AFF3: variants seen among roughly 807,000 people sequenced by gnomAD.
AFF3 encodes the protein AF4/FMR2 family member 3.
In AFF3, 32 loss-of-function variants were observed where a neutral mutation model predicts 129.7. The observed-to-expected ratio is 0.25, with a 90% CI of 0.19 to 0.33. AFF3 has a LOEUF of 0.33. Ranked by LOEUF, AFF3 falls within the 10% of genes least tolerant of loss-of-function variation. The pLI is 1.00. For missense variants in AFF3, 1,373 were observed against 1,592.0 expected, an observed-to-expected ratio of 0.86 and a Z score of 2.34; for synonymous variants, 644 against 635.4, an observed-to-expected ratio of 1.01 and a Z score of -0.20.
At position 99,593,294 on chromosome 2, in the gene AFF3, C is replaced by T; in HGVS notation, c.2367G>A (p.Leu789=). 8.7e-6 allele frequency: 14 copies of T among 1,614,036 alleles called. No individual in the cohort carries two copies. Among genetic ancestry groups the T allele is most frequent in the South Asian group, 1.1e-5 (1 of 91,078 alleles). The change falls in exon 15 of 25, where the codon TTG becomes TTA. Residue 789 remains leucine, a synonymous_variant. Transcript: ENST00000672756. ...PEHLPQEPGV[L]SAPATKDSES... is the part of the protein sequence containing the mutation. ...CAGAGTCCTTGGTGGCAGGGGCGCT[C>T]AATACCCCTGGCTCCTGGGGCAGGT...
intron 7 of AFF3, among the ~76,000 whole-genome samples, chr2:100,000,791 G>A (rs887541172): frequency 7.9e-5 from 12 of 152,140 alleles, no homozygotes; most frequent in East Asian, 3.9e-4. Flanking sequence ...CTTGCTCCCC[G>A]TCACACGGCT....
chr2:100,029,054 C>T (rs535014245), intron 4 of AFF3, among the ~76,000 whole-genome samples: 1 of 152,116 alleles, frequency 6.6e-6, no homozygotes, highest in Non-Finnish European at 1.5e-5. Flanking sequence ...TTAAAGTGTG[C>T]ACACTCATAG....
intron 7 of AFF3, among the ~76,000 whole-genome samples, chr2:99,869,950 A>T (rs1691744909): frequency 1.3e-5 from 2 of 152,218 alleles, no homozygotes; most frequent in Non-Finnish European, 2.9e-5. Flanking sequence ...TGAACCAGAC[A>T]CAAAGGACCT....
At chr2:99,822,214 C>T (rs1369062376) in intron 8 of AFF3, among the ~76,000 whole-genome samples, 3 of 151,978 alleles carry the variant, frequency 2.0e-5, no homozygotes, top group African/African-American at 4.8e-5. Flanking sequence ...GCAGTCATCA[C>T]GCAATACTGA....
intron 8 of AFF3, among the ~76,000 whole-genome samples, chr2:99,777,789 T>C (rs1271154790): frequency 6.6e-6 from 1 of 151,800 alleles, no homozygotes; most frequent in Non-Finnish European, 1.5e-5. Context: ...CATGTCTTCA[T>C]GCACACAGAC....
intron 4 of AFF3, among the ~76,000 whole-genome samples, chr2:100,073,117 C>T (rs1013919569): frequency 1.3e-5 from 2 of 152,150 alleles, no homozygotes; most frequent in African/African-American, 2.4e-5. Flanking sequence ...TGAATTGTGT[C>T]CCTGCAGACC....
intron 14 of AFF3, among the ~76,000 whole-genome samples, chr2:99,600,485 C>G (rs1032209731): frequency 6.6e-6 from 1 of 152,072 alleles, no homozygotes; most frequent in African/African-American, 2.4e-5. Flanking sequence ...GCTGATCGGG[C>G]CCATTAAGGT....
intron 7 of AFF3, among the ~76,000 whole-genome samples, chr2:99,979,641 G>A (rs1361736679): frequency 2.6e-5 from 4 of 151,924 alleles, no homozygotes; most frequent in Middle Eastern, 3.2e-3. Flanking sequence ...ACCACGACCA[G>A]CTAATTTTTA....
At chr2:99,928,712 C>T (rs1471604826) in intron 7 of AFF3, among the ~76,000 whole-genome samples, 1 of 152,218 alleles carries the variant, frequency 6.6e-6, no homozygotes, top group Non-Finnish European at 1.5e-5. Flanking sequence ...AAACAAGATG[C>T]AGCCTCCGGA....
intron 13 of AFF3, among the ~76,000 whole-genome samples, chr2:99,610,405 T>C (rs1680806051): frequency 6.6e-6 from 1 of 152,270 alleles, no homozygotes; most frequent in South Asian, 2.1e-4. Flanking sequence ...TTAAACTAAA[T>C]TATTGAGATA....
At chr2:100,044,441 A>G (rs1003668366) in intron 4 of AFF3, among the ~76,000 whole-genome samples, 1 of 152,112 alleles carries the variant, frequency 6.6e-6, no homozygotes, top group African/African-American at 2.4e-5. Context: ...CCTTCCATCT[A>G]TCTACCCAAG....
intron 13 of AFF3, among the ~76,000 whole-genome samples, chr2:99,633,095 C>T (rs909507576): frequency 2.6e-5 from 4 of 152,034 alleles, no homozygotes; most frequent in Admixed American, 1.3e-4. Flanking sequence ...CGCCTCTTTC[C>T]CCAAAATCAT....
At chr2:100,122,742 A>T (rs1316387541) in intron 2 of AFF3, among the ~76,000 whole-genome samples, 1 of 152,238 alleles carries the variant, frequency 6.6e-6, no homozygotes, top group Non-Finnish European at 1.5e-5. Context: ...TAAAATGAGC[A>T]TTTCCCAAAA....
At chr2:99,820,224 C>T (rs1473500623) in intron 8 of AFF3, among the ~76,000 whole-genome samples, 2 of 152,152 alleles carry the variant, frequency 1.3e-5, no homozygotes, top group South Asian at 4.2e-4. Flanking sequence ...ACACACCTAG[C>T]CTATATGGTA....
chr2:99,642,974 T>G (rs1185953176), intron 13 of AFF3, among the ~76,000 whole-genome samples: 1 of 151,608 alleles, frequency 6.6e-6, no homozygotes, highest in Non-Finnish European at 1.5e-5. Context: ...TAAAAATAAC[T>G]AAAAGAGTAT....
At chr2:99,927,525 G>A (rs1350324195) in intron 7 of AFF3, among the ~76,000 whole-genome samples, 1 of 152,060 alleles carries the variant, frequency 6.6e-6, no homozygotes, top group Non-Finnish European at 1.5e-5. Context: ...GGAGCTAAAT[G>A]ATGAGAACAC....
chr2:99,957,784 T>C (rs1676808338), intron 7 of AFF3, among the ~76,000 whole-genome samples: 1 of 152,206 alleles, frequency 6.6e-6, no homozygotes, highest in Admixed American at 6.5e-5. Context: ...GGTCTTGTTC[T>C]GCCTATGGAA....
At chr2:100,116,288 T>A (rs1364457489) in intron 2 of AFF3, among the ~76,000 whole-genome samples, 1 of 152,104 alleles carries the variant, frequency 6.6e-6, no homozygotes, top group Non-Finnish European at 1.5e-5. Flanking sequence ...CTTTTTTTTT[T>A]AACTCAGCCT....
intron 15 of AFF3, among the ~76,000 whole-genome samples, chr2:99,588,797 A>C (rs1346119795): frequency 6.6e-6 from 1 of 152,192 alleles, no homozygotes. Context: ...TTTGACAGCC[A>C]GGTCTATGGG....
Sources: gnomAD v4.1 joint callset for allele counts (sites outside exome capture counted in the v4.1 genomes callset) on GRCh38, gnomAD v4.1.1 for gene constraint, MANE v1.5 for transcripts, NCBI Gene and HGNC (gene_info 2026-07-23, HGNC 2026-07-21) for gene names.